The following CNTN3 variants were observed in gnomAD, a reference collection of about 807,000 sequenced individuals.
CNTN3 encodes the protein contactin 3, also known as contactin-3.
CNTN3 carries 60 observed loss-of-function variants against 119.1 expected under a neutral mutation model. The ratio of observed to expected loss-of-function variants is 0.50; its 90% CI spans 0.41 to 0.62. CNTN3 has a LOEUF of 0.62. CNTN3 is among the 20% of genes least tolerant of loss of function. The probability of loss-of-function intolerance (pLI) is 0.00; values close to 1 mark genes in which losing one functional copy is unlikely to be tolerated. For synonymous variants in CNTN3, 450 were observed against 438.7 expected, an observed-to-expected ratio of 1.03 and a Z score of -0.32; for missense variants, 1,101 against 1,242.4, an observed-to-expected ratio of 0.89 and a Z score of 1.71.
intron 5 of CNTN3, among the ~76,000 whole-genome samples, chr3:74,410,446 G>C (rs1379084013): frequency 6.6e-6 from 1 of 152,190 alleles, no homozygotes; most frequent in Non-Finnish European, 1.5e-5. Context: ...GTTTATACCA[G>C]ATGTCAGGTG....
intron 4 of CNTN3, among the ~76,000 whole-genome samples, chr3:74,434,013 A>G (rs566056604): frequency 6.6e-6 from 1 of 152,152 alleles, no homozygotes; most frequent in East Asian, 1.9e-4. Context: ...CCATCATCTC[A>G]TTTTCCTTAG....
At position 74,319,927 on chromosome 3, in the gene CNTN3, T is replaced by C. The variant is rs567601677; in HGVS notation, c.1668+14808A>G. Among the ~76,000 whole-genome samples, 21 of 152,132 alleles carry C rather than the reference T, an allele frequency of 1.4e-4. 1 individual carries two copies. The East Asian group carries it at 3.7e-3, about 27-fold the overall frequency. On this transcript the variant is annotated intron_variant, in intron 13 of 22. Coordinates refer to ENST00000263665, the MANE Select transcript of CNTN3 (RefSeq NM_020872.3). ...AAAACACATGAAAAAATGCTCACCA[T>C]CACTGGCCATCGGAGAAATGCAAAT...
intron 2 of CNTN3, among the ~76,000 whole-genome samples, chr3:74,505,443 T>C (rs1409892046): frequency 2.2e-4 from 13 of 58,014 alleles, no homozygotes; most frequent in Non-Finnish European, 7.1e-5. Context: ...GGGAGAACAC[T>C]ATACGTGTGT....
intron 19 of CNTN3, among the ~76,000 whole-genome samples, chr3:74,292,272 A>T (rs1321469329): frequency 1.3e-5 from 2 of 152,202 alleles, no homozygotes; most frequent in Non-Finnish European, 2.9e-5. Flanking sequence ...TATTATGATG[A>T]GCCAGAAACT....
chr3:74,553,767 G>C (rs1039684981), intron 1 of CNTN3, among the ~76,000 whole-genome samples: 4 of 151,876 alleles, frequency 2.6e-5, no homozygotes, highest in Admixed American at 2.6e-4. Flanking sequence ...GGGGTTGTTT[G>C]GTTTTTTTCT....
At position 74,402,060 on chromosome 3, in the gene CNTN3, T is replaced by A. The variant is rs865887957; in HGVS notation, c.454+22785A>T. On this transcript the variant is annotated intron_variant, in intron 5 of 22. Transcript: ENST00000263665. Reference sequence around the variant, plus strand: ...TGAAATGTTAGGCCCTGGGGTTCACTCCACATGTGTTCCCAGGGCTTCAAT... The same window carrying A: ...TGAAATGTTAGGCCCTGGGGTTCACACCACATGTGTTCCCAGGGCTTCAAT... Among the ~76,000 whole-genome samples the A allele has an allele frequency of 5.9e-5, 9 of 152,310 alleles. No homozygotes were observed. In the South Asian group the frequency reaches 6.2e-4, roughly 11 times the overall value.
chr3:74,403,744 C>T (rs1045067779), intron 5 of CNTN3, among the ~76,000 whole-genome samples: 10 of 152,014 alleles, frequency 6.6e-5, no homozygotes, highest in African/African-American at 2.4e-4. Context: ...AGTTATTGGG[C>T]CTTTAGAAAT....
In CNTN3 at chr3:74,297,941, G is replaced by A. The variant is rs1412339225; in HGVS notation, c.2401+16C>T. The A allele has an allele frequency of 1.3e-6, 2 of 1,583,640 alleles. No individual in the cohort carries two copies. The highest frequency in any genetic ancestry group is 1.7e-6 in the Non-Finnish European group (2 of 1,153,682). On this transcript the variant is annotated intron_variant, in intron 18 of 22. Coordinates refer to ENST00000263665, the MANE Select transcript of CNTN3 (RefSeq NM_020872.3). ...TATTATTAGGCGGAACTGATATACAGTCATGTTTTCCATACCTTCTTCTGC... is the reference window on the plus strand; with the variant it reads ...TATTATTAGGCGGAACTGATATACAATCATGTTTTCCATACCTTCTTCTGC...
chr3:74,489,158 C>T (rs1258423252), intron 3 of CNTN3, among the ~76,000 whole-genome samples: 1 of 152,126 alleles, frequency 6.6e-6, no homozygotes, highest in African/African-American at 2.4e-5. Context: ...CATTATCACC[C>T]CATGAGAGTC....
chr3:74,348,272 T>A (rs1055490320), intron 11 of CNTN3, among the ~76,000 whole-genome samples: 6 of 152,248 alleles, frequency 3.9e-5, no homozygotes, highest in Admixed American at 3.3e-4. Flanking sequence ...GACTTCACAA[T>A]GTATACATAT....
At chr3:74,581,846 C>A (rs1302034679) in intron 1 of CNTN3, among the ~76,000 whole-genome samples, 1 of 152,066 alleles carries the variant, frequency 6.6e-6, no homozygotes, top group Admixed American at 6.6e-5. Context: ...CAAGGCAGTG[C>A]ACGGGGGAAG....
intron 1 of CNTN3, among the ~76,000 whole-genome samples, chr3:74,566,241 C>T (rs1010900637): frequency 9.9e-5 from 15 of 151,952 alleles, no homozygotes; most frequent in African/African-American, 3.6e-4. Flanking sequence ...TTAAAGGAAA[C>T]CAACCTAAGA....
intron 13 of CNTN3, among the ~76,000 whole-genome samples, chr3:74,303,405 A>G (rs867473833): frequency 1.5e-4 from 23 of 152,312 alleles, no homozygotes; most frequent in Middle Eastern, 3.4e-3. Context: ...CTTAAAAATA[A>G]CAGCTAGCCG....
chr3:74,408,971 G>T (rs1407808552), intron 5 of CNTN3, among the ~76,000 whole-genome samples: 5 of 152,136 alleles, frequency 3.3e-5, no homozygotes, highest in East Asian at 1.9e-4. Context: ...AAGTGTAAAG[G>T]TTCTCTATTT....
At chr3:74,485,127 A>G (rs1032042282) in intron 4 of CNTN3, among the ~76,000 whole-genome samples, 34 of 151,782 alleles carry the variant, frequency 2.2e-4, no homozygotes, top group African/African-American at 8.2e-4. Flanking sequence ...ATATTTATAC[A>G]TATCCAAACA....
At chr3:74,519,841 G>A (rs951217014) in intron 2 of CNTN3, among the ~76,000 whole-genome samples, 2 of 151,552 alleles carry the variant, frequency 1.3e-5, no homozygotes, top group Non-Finnish European at 3.0e-5. Context: ...AGGCATCACA[G>A]TAAAAATCTG....
intron 5 of CNTN3, among the ~76,000 whole-genome samples, chr3:74,397,313 G>C (rs1185745088): frequency 6.6e-6 from 1 of 152,112 alleles, no homozygotes; most frequent in Non-Finnish European, 1.5e-5. Flanking sequence ...AAATATTACT[G>C]TTCACTAATG....
intron 4 of CNTN3, among the ~76,000 whole-genome samples, chr3:74,482,469 C>T (rs187763215): frequency 2.1e-4 from 32 of 152,034 alleles, no homozygotes; most frequent in Admixed American, 1.6e-3. Flanking sequence ...CCAGGGTAAA[C>T]ATATCAGATG....
intron 4 of CNTN3, among the ~76,000 whole-genome samples, chr3:74,466,894 TGACA>T (rs1490437914): frequency 1.3e-5 from 2 of 152,124 alleles, no homozygotes; most frequent in East Asian, 1.9e-4. Context: ...AGTGGGAAAT[TGACA>T]GACAGCAGTT....
Sources: allele counts gnomAD v4.1 joint callset (sites outside exome capture counted in the v4.1 genomes callset), GRCh38; gene constraint gnomAD v4.1.1; transcripts MANE v1.5; gene names NCBI Gene and HGNC (gene_info 2026-07-23, HGNC 2026-07-21).